The following STPG2 variants were observed in gnomAD, a reference collection of about 807,000 sequenced individuals.
STPG2 encodes sperm tail PG-rich repeat containing 2.
A neutral mutation model predicts 54.2 loss-of-function variants in STPG2; 56 were observed. That is an observed-to-expected ratio of 1.03 (90% CI 0.83 to 1.29). STPG2 has a LOEUF of 1.29. Ranked by LOEUF, STPG2 falls within the 50% of genes most tolerant of loss-of-function variation. The probability of loss-of-function intolerance (pLI) is 0.00; values close to 1 mark genes in which losing one functional copy is unlikely to be tolerated. For synonymous variants in STPG2, 200 were observed against 181.8 expected, an observed-to-expected ratio of 1.10 and a Z score of -0.81; for missense variants, 596 against 544.9, an observed-to-expected ratio of 1.09 and a Z score of -0.93.
intron 8 of STPG2, among the ~76,000 whole-genome samples, chr4:97,880,045 A>G (rs941022227): frequency 1.3e-5 from 2 of 152,160 alleles, no homozygotes; most frequent in Non-Finnish European, 2.9e-5. Context: ...TATGGACCCA[A>G]CCTACGTCTC....
chr4:98,013,238 T>C (rs1414785858), intron 5 of STPG2, among the ~76,000 whole-genome samples: 1 of 152,250 alleles, frequency 6.6e-6, no homozygotes, highest in Non-Finnish European at 1.5e-5. Context: ...CTTCTGTTTA[T>C]GTGATGGATT....
At chr4:97,776,763 T>G (rs1726390638) in intron 9 of STPG2, among the ~76,000 whole-genome samples, 2 of 152,300 alleles carry the variant, frequency 1.3e-5, no homozygotes, top group South Asian at 4.1e-4. Flanking sequence ...TTAATAAAAT[T>G]GAATAGATAA....
chr4:98,136,135 T>C (rs373806911), intron 1 of STPG2, among the ~76,000 whole-genome samples: 3 of 151,508 alleles, frequency 2.0e-5, no homozygotes, highest in East Asian at 1.9e-4. Flanking sequence ...GATGAGAAGA[T>C]AAAGGGAAGA....
chr4:97,880,370 G>C (rs1730325785), intron 8 of STPG2, among the ~76,000 whole-genome samples: 1 of 152,152 alleles, frequency 6.6e-6, no homozygotes, highest in African/African-American at 2.4e-5. Flanking sequence ...GGCAAAGACA[G>C]AGCAAGTATG....
intron 10 of STPG2, among the ~76,000 whole-genome samples, chr4:97,616,089 T>TAA (rs1733865363): frequency 1.2e-5 from 1 of 84,554 alleles, no homozygotes; most frequent in Non-Finnish European, 2.8e-5. Flanking sequence ...TATATATATA[T>TAA]ATATATGTAT....
At chr4:97,764,751 C>T (rs1404956932) in intron 9 of STPG2, among the ~76,000 whole-genome samples, 4 of 152,008 alleles carry the variant, frequency 2.6e-5, no homozygotes, top group Admixed American at 6.6e-5. Flanking sequence ...TACCCTTTCC[C>T]TTATTCCTCC....
rs548556019 is a variant in STPG2 at position 97,745,519 on chromosome 4, T to G, written c.1205-32705A>C. Among the ~76,000 whole-genome samples, 112 of 151,274 alleles carry G rather than the reference T, an allele frequency of 7.4e-4. 1 individual carries two copies. The highest frequency in any genetic ancestry group is 2.5e-3 in the South Asian group (12 of 4,824). On this transcript the variant is annotated intron_variant, in intron 9 of 10. Transcript: ENST00000295268. ...AGGACTTTAAACTATGCTATAATTA[T>G]GAAATATCACAGCTTCATATATTCC...
At chr4:97,868,640 T>A (rs1729875873) in intron 8 of STPG2, among the ~76,000 whole-genome samples, 1 of 151,854 alleles carries the variant, frequency 6.6e-6, no homozygotes, top group Non-Finnish European at 1.5e-5. Context: ...TAGAGTGTAC[T>A]CCTTTACATT....
intron 4 of STPG2, among the ~76,000 whole-genome samples, chr4:97,486,881 A>ACACACACACAC (rs2148824832): frequency 6.7e-6 from 1 of 150,092 alleles, no homozygotes; most frequent in African/African-American, 2.4e-5. Flanking sequence ...ACACACACAC[A>ACACACACACAC]CACACACACA....
intron 3 of STPG2, among the ~76,000 whole-genome samples, chr4:98,123,963 T>C (rs990479929): frequency 3.9e-5 from 6 of 152,228 alleles, no homozygotes; most frequent in Admixed American, 3.9e-4. Flanking sequence ...TGATCTTTGT[T>C]GGTTTAAAGT....
chr4:97,875,240 G>A (rs956625353), intron 8 of STPG2, among the ~76,000 whole-genome samples: 10 of 151,856 alleles, frequency 6.6e-5, no homozygotes, highest in South Asian at 4.1e-4. Flanking sequence ...TTTGGTAGGC[G>A]AAATTTTAAC....
At chr4:97,820,445 A>G (rs935152477) in intron 9 of STPG2, among the ~76,000 whole-genome samples, 2 of 148,090 alleles carry the variant, frequency 1.4e-5, no homozygotes, top group Non-Finnish European at 3.0e-5. Context: ...TGAGGAAAGC[A>G]TGTTGAAAGC....
intron 10 of STPG2, among the ~76,000 whole-genome samples, chr4:97,674,390 G>A (rs893220095): frequency 2.0e-5 from 3 of 152,176 alleles, no homozygotes; most frequent in Non-Finnish European, 2.9e-5. Flanking sequence ...AGAGGAAGTA[G>A]AAATCTAGGT....
chr4:97,897,155 A>G (rs11097586), intron 8 of STPG2, among the ~76,000 whole-genome samples: 1 of 151,770 alleles, frequency 6.6e-6, no homozygotes, highest in Admixed American at 6.6e-5. Flanking sequence ...GAAAATATGC[A>G]GTATTTGGTT....
At chr4:97,928,957 T>G (rs1343155432) in intron 8 of STPG2, among the ~76,000 whole-genome samples, 2 of 152,144 alleles carry the variant, frequency 1.3e-5, no homozygotes, top group African/African-American at 2.4e-5. Context: ...CACAGAGATC[T>G]GCTGTACAGA....
At chr4:97,606,720 T>C (rs1305480665) in intron 10 of STPG2, among the ~76,000 whole-genome samples, 3 of 151,982 alleles carry the variant, frequency 2.0e-5, no homozygotes, top group Non-Finnish European at 4.4e-5. Context: ...TGATGGTGAT[T>C]ATTTAGCTTT....
intron 8 of STPG2, among the ~76,000 whole-genome samples, chr4:97,849,507 T>C (rs1365294538): frequency 6.6e-6 from 1 of 151,876 alleles, no homozygotes; most frequent in Non-Finnish European, 1.5e-5. Context: ...GAGAAAATTT[T>C]CGCAACCTAC....
At chr4:97,547,015 TA>T (rs922454239) in intron 4 of STPG2, among the ~76,000 whole-genome samples, 3 of 151,940 alleles carry the variant, frequency 2.0e-5, no homozygotes, top group African/African-American at 4.8e-5. Context: ...TAGGTTTTTT[TA>T]AAAAAAATAT....
chr4:98,116,802 A>C (rs10004827), intron 3 of STPG2, among the ~76,000 whole-genome samples: 59,935 of 151,628 alleles, frequency 0.4, 12,087 homozygotes, highest in Middle Eastern at 0.46. Flanking sequence ...ATGGTTAGAA[A>C]AGGAAACATG....
Sources: allele counts gnomAD v4.1 joint callset (sites outside exome capture counted in the v4.1 genomes callset), GRCh38; gene constraint gnomAD v4.1.1; transcripts MANE v1.5; gene names NCBI Gene and HGNC (gene_info 2026-07-23, HGNC 2026-07-21).